TLCD4: variants seen among roughly 807,000 people sequenced by gnomAD.
TLCD4 encodes TLC domain containing 4.
TLCD4 carries 7 observed loss-of-function variants against 24.2 expected under a neutral mutation model. The ratio of observed to expected loss-of-function variants is 0.29; its 90% CI spans 0.16 to 0.54. The LOEUF (loss-of-function observed/expected upper bound fraction) is 0.54. Ranked by LOEUF, TLCD4 falls within the 20% of genes least tolerant of loss-of-function variation. TLCD4 has a pLI of 0.95. For missense variants in TLCD4, 259 were observed against 313.9 expected (o/e 0.82, Z 1.32); for synonymous variants, 103 against 106.4 (o/e 0.97, Z 0.20).
intron 6 of TLCD4, among the ~76,000 whole-genome samples, chr1:95,190,496 T>C (rs996741757): frequency 3.9e-5 from 6 of 152,044 alleles, no homozygotes; most frequent in Non-Finnish European, 8.8e-5. Context: ...GCCTGGCTAA[T>C]TTTTGTATTT....
intron 1 of TLCD4, among the ~76,000 whole-genome samples, chr1:95,142,972 T>C (rs1255951157): frequency 2.0e-4 from 1 of 4,960 alleles, no homozygotes; most frequent in African/African-American, 6.0e-4. Flanking sequence ...GTTGGGGGCG[T>C]GGCGGAGGGG....
chr1:95,163,588 T>G (rs745763496), intron 5 of TLCD4: 13 of 152,172 alleles, frequency 8.5e-5, no homozygotes, highest in Non-Finnish European at 1.8e-4. Context: ...GTGCTCTGAT[T>G]TTTAGAATTT....
At chr1:95,155,394 A>G (rs562730693) in intron 5 of TLCD4, among the ~76,000 whole-genome samples, 21 of 152,204 alleles carry the variant, frequency 1.4e-4, no homozygotes, top group Non-Finnish European at 2.1e-4. Flanking sequence ...CACACTAACC[A>G]TAAATAACTT....
intron 1 of TLCD4, chr1:95,120,340 A>T (rs1161677201): frequency 6.6e-6 from 1 of 152,130 alleles, no homozygotes; most frequent in African/African-American, 2.4e-5. Context: ...CTTTAGTGGT[A>T]TTTTTTCTTG....
intron 1 of TLCD4, among the ~76,000 whole-genome samples, chr1:95,132,513 C>T (rs1571729890): frequency 6.6e-6 from 1 of 150,874 alleles, no homozygotes; most frequent in Admixed American, 6.6e-5. Context: ...CACCACAAAA[C>T]CGACTCGGAT....
intron 5 of TLCD4, among the ~76,000 whole-genome samples, chr1:95,166,858 A>G (rs1678031302): frequency 6.6e-6 from 1 of 151,892 alleles, no homozygotes; most frequent in South Asian, 2.1e-4. Flanking sequence ...CCTCCTGAGT[A>G]GCTGGGACTA....
chr1:95,191,629 T>A lies in TLCD4; in HGVS notation c.553T>A (p.Phe185Ile). The A allele has an allele frequency of 1.9e-6, 3 of 1,614,232 alleles. No homozygotes were observed. Among genetic ancestry groups the A allele is most frequent in the Non-Finnish European group, 1.7e-6 (2 of 1,180,036 alleles). ...INGILMTVVF[F>I]IVRIASMLPH... ...TGGAATACTCATGACAGTAGTATTC[T>A]TCATCGTGCGGATTGCCTCAATGCT... The change falls in exon 7 of 7, where the codon TTC becomes ATC. Residue 185 changes from phenylalanine to isoleucine, a missense_variant. Coordinates refer to ENST00000370203, the MANE Select transcript of TLCD4 (RefSeq NM_152487.3).
intron 6 of TLCD4, among the ~76,000 whole-genome samples, chr1:95,190,666 C>T (rs1315189012): frequency 1.3e-5 from 2 of 152,010 alleles, no homozygotes; most frequent in Non-Finnish European, 2.9e-5. Context: ...AGGTGATCCA[C>T]CTGCCTCAGC....
chr1:95,165,908 C>T (rs749647354), intron 5 of TLCD4, among the ~76,000 whole-genome samples: 27 of 152,112 alleles, frequency 1.8e-4, no homozygotes, highest in Admixed American at 9.2e-4. Flanking sequence ...CTGCAGTTAA[C>T]AGGGATCAGG....
the TLCD4 span, among the ~76,000 whole-genome samples, chr1:95,094,835 C>T: frequency 1.3e-5 from 2 of 152,218 alleles, no homozygotes; most frequent in African/African-American, 2.4e-5. Context: ...CTAAAACATA[C>T]TTACTCCCTT....
At chr1:95,188,334 G>C (rs1030476645) in intron 6 of TLCD4, among the ~76,000 whole-genome samples, 1 of 142,342 alleles carries the variant, frequency 7.0e-6, no homozygotes, top group African/African-American at 2.6e-5. Flanking sequence ...CTTGCAGTGA[G>C]CCAAGATCGC....
chr1:95,104,663 C>CAAAAAAAAAAAAACAAAAAAA, the TLCD4 span, among the ~76,000 whole-genome samples: 1 of 40,620 alleles, frequency 2.5e-5, no homozygotes, highest in African/African-American at 7.4e-5. Flanking sequence ...GACTCCGTCT[C>CAAAAAAAAAAAAACAAAAAAA]AAAAAAAAAA....
At chr1:95,130,551 T>C (rs1676863763) in intron 1 of TLCD4, among the ~76,000 whole-genome samples, 1 of 152,204 alleles carries the variant, frequency 6.6e-6, no homozygotes, top group Admixed American at 6.5e-5. Context: ...TATATGAAAA[T>C]GCAGACAAAA....
intron 1 of TLCD4, among the ~76,000 whole-genome samples, chr1:95,130,934 A>G (rs1676872553): frequency 6.6e-6 from 1 of 152,230 alleles, no homozygotes; most frequent in Admixed American, 6.5e-5. Flanking sequence ...ATGCGGTAAT[A>G]CTATGGTTGT....
intron 6 of TLCD4, among the ~76,000 whole-genome samples, chr1:95,188,330 G>A (rs1678900836): frequency 1.3e-5 from 2 of 149,692 alleles, no homozygotes; most frequent in African/African-American, 4.9e-5. Context: ...GGAGCTTGCA[G>A]TGAGCCAAGA....
the TLCD4 span, among the ~76,000 whole-genome samples, chr1:95,096,071 G>C: frequency 1.3e-5 from 2 of 152,202 alleles, no homozygotes; most frequent in East Asian, 1.9e-4. Flanking sequence ...CTCTCTGCAA[G>C]CTACAGCTGC....
At chr1:95,094,159 C>T in the TLCD4 span, among the ~76,000 whole-genome samples, 3 of 152,180 alleles carry the variant, frequency 2.0e-5, no homozygotes, top group Non-Finnish European at 4.4e-5. Flanking sequence ...GATACAAGGT[C>T]TCACTCTGTC....
At chr1:95,139,438 T>C (rs1047880947) in intron 1 of TLCD4, among the ~76,000 whole-genome samples, 3 of 149,968 alleles carry the variant, frequency 2.0e-5, no homozygotes, top group Non-Finnish European at 4.4e-5. Context: ...TTATAAACTT[T>C]TTTATTTAAA....
chr1:95,156,180 C>T (rs1270844055), intron 5 of TLCD4, among the ~76,000 whole-genome samples: 1 of 127,996 alleles, frequency 7.8e-6, no homozygotes, highest in Non-Finnish European at 1.9e-5. Context: ...TATATTTATG[C>T]CTTTTTGAAT....
Sources: gnomAD v4.1 joint callset for allele counts (sites outside exome capture counted in the v4.1 genomes callset) on GRCh38, gnomAD v4.1.1 for gene constraint, MANE v1.5 for transcripts, NCBI Gene and HGNC (gene_info 2026-07-23, HGNC 2026-07-21) for gene names.